KIF26B: variants seen among roughly 807,000 people sequenced by gnomAD.
KIF26B encodes the protein kinesin family member 26B.
Under a neutral mutation model 151.2 loss-of-function variants are expected in KIF26B, and 63 were observed. That is an observed-to-expected ratio of 0.42 (90% CI 0.34 to 0.51). The LOEUF (loss-of-function observed/expected upper bound fraction) is 0.51, where lower values mean the gene tolerates loss of function less well. KIF26B is among the 20% of genes least tolerant of loss of function. The probability of loss-of-function intolerance (pLI) is 0.07; values close to 1 mark genes in which losing one functional copy is unlikely to be tolerated. For synonymous variants in KIF26B, 1,357 were observed against 1,262.1 expected (o/e 1.08, Z -1.59); for missense variants, 2,813 against 2,913.6 (o/e 0.97, Z 0.79).
chr1:245,252,833 G>A (rs1000974036), intron 2 of KIF26B, among the ~76,000 whole-genome samples: 4 of 152,012 alleles, frequency 2.6e-5, no homozygotes, highest in Non-Finnish European at 5.9e-5. Context: ...GTAAGGGACT[G>A]CTTCTATCAC....
At chr1:245,321,421 G>C (rs1335490082) in intron 2 of KIF26B, among the ~76,000 whole-genome samples, 1 of 152,138 alleles carries the variant, frequency 6.6e-6, no homozygotes, top group Non-Finnish European at 1.5e-5. Context: ...CTTGCTATTG[G>C]TTAGAATGTG....
rs143841979 is a variant in KIF26B, at chr1:245,678,679, T to A, written c.2259-5554T>A. 4.0e-5 allele frequency among the ~76,000 whole-genome samples: 6 copies of A among 151,868 alleles called. No homozygotes were observed. The South Asian group carries it at 1.0e-3, about 26-fold the overall frequency. On this transcript the variant is annotated intron_variant, in intron 10 of 14. Transcript: ENST00000407071. ...GAGATTGAGACCATCGTGGCCAACA[T>A]GGTGAAATCCCGTCTCTACTAAAAA...
chr1:245,638,015 A>G (rs2043853123), intron 9 of KIF26B, among the ~76,000 whole-genome samples: 1 of 151,924 alleles, frequency 6.6e-6, no homozygotes, highest in East Asian at 1.9e-4. Context: ...GAATTTTAAG[A>G]TTTCTTTTTT....
chr1:245,709,365 T>G lies in KIF26B; in HGVS notation c.*6759T>G, dbSNP rs2147977820. ...GTGGCATATGAGGTGTAAAATGTTG[T>G]CAAAAAAGAATCTGGTGTTTAAAAA... On this transcript the variant is annotated 3_prime_UTR_variant, in exon 15 of 15. Transcript: ENST00000407071. The G allele has an allele frequency of 6.6e-6, 1 of 152,288 alleles. No individual in the cohort carries two copies. The highest frequency in any genetic ancestry group is 2.1e-4 in the South Asian group (1 of 4,818). 9.4% of individuals were successfully genotyped at this position (152,288 alleles called of 1,614,324 possible).
At chr1:245,433,903 C>A (rs1486731586) in intron 4 of KIF26B, among the ~76,000 whole-genome samples, 1 of 151,936 alleles carries the variant, frequency 6.6e-6, no homozygotes, top group Non-Finnish European at 1.5e-5. Context: ...AAGAAAGGGC[C>A]TTGGCAGTGA....
chr1:245,643,276 T>C (rs1449061470), intron 9 of KIF26B, among the ~76,000 whole-genome samples: 2 of 152,204 alleles, frequency 1.3e-5, no homozygotes, highest in Admixed American at 1.3e-4. Context: ...TCCCATCTGA[T>C]CTTTGTTCTC....
In KIF26B at chr1:245,698,815, C is replaced by T. The variant is rs1012610032; in HGVS notation, c.6028-72C>T. 3 of 1,523,632 alleles carry T rather than the reference C, an allele frequency of 2.0e-6. No homozygotes were observed. Among genetic ancestry groups the T allele is most frequent in the East Asian group, 2.3e-5 (1 of 43,982 alleles). The allele number at this position is 1,523,632 out of a possible 1,614,324, so 94.4% of individuals were successfully genotyped here. A position where few individuals can be genotyped will look rare whatever the true frequency, so the allele number is the denominator to read the frequency against. On this transcript the variant is annotated intron_variant, in intron 13 of 14. Transcript: ENST00000407071. The surrounding 1 kb of genome is among the most constrained non-coding windows in gnomAD (Gnocchi z 4.0). ...CCCAGCCTGTTTTCCATCAACGATA[C>T]TCACAGGTGCTCCTGTGGTGTGGGC... is the stretch of plus-strand genomic sequence containing the variant.
At chr1:245,679,991 C>T (rs1402793235) in intron 10 of KIF26B, among the ~76,000 whole-genome samples, 1 of 152,136 alleles carries the variant, frequency 6.6e-6, no homozygotes, top group Admixed American at 6.5e-5. Flanking sequence ...TCCCGCCTGG[C>T]TCTGGGGAGG....
chr1:245,261,114 C>G (rs112725104), intron 2 of KIF26B, among the ~76,000 whole-genome samples: 3 of 149,356 alleles, frequency 2.0e-5, no homozygotes, highest in Non-Finnish European at 4.5e-5. Context: ...TTCCTTCCTC[C>G]GTTCCTTCCT....
At chr1:245,366,542 G>GA (rs11362225) in intron 2 of KIF26B, among the ~76,000 whole-genome samples, 11,753 of 143,200 alleles carry the variant, frequency 0.082, 1,193 homozygotes, top group East Asian at 0.3. Context: ...AAAAAAAAAA[G>GA]AAAAAAAAAA....
At chr1:245,518,363 C>T (rs189623509) in intron 4 of KIF26B, among the ~76,000 whole-genome samples, 1 of 152,292 alleles carries the variant, frequency 6.6e-6, no homozygotes, top group African/African-American at 2.4e-5. Flanking sequence ...GTTACTGAGT[C>T]AACCTACGCT....
chr1:245,537,050 G>A (rs185959415), intron 4 of KIF26B, among the ~76,000 whole-genome samples: 1 of 152,336 alleles, frequency 6.6e-6, no homozygotes, highest in South Asian at 2.1e-4. Context: ...ATCAGTGTCA[G>A]GTTGTAAGAA....
At position 245,512,784 on chromosome 1, in the gene KIF26B, G is replaced by T. The variant is rs1184499777; in HGVS notation, c.1167-27983G>T. Among the ~76,000 whole-genome samples, 1 of 152,146 alleles carries T rather than the reference G, an allele frequency of 6.6e-6. No individual in the cohort carries two copies. Among genetic ancestry groups the T allele is most frequent in the East Asian group, 1.9e-4 (1 of 5,196 alleles). On this transcript the variant is annotated intron_variant, in intron 4 of 14. Transcript: ENST00000407071. The surrounding 1 kb of genome is among the most constrained non-coding windows in gnomAD (Gnocchi z 4.3). ...AAAGCTTTCGATCTTGTGCCGTTTT[G>T]TTTTGGTTTCTTGTTTATGTGGACT...
intron 2 of KIF26B, among the ~76,000 whole-genome samples, chr1:245,315,763 G>A (rs1256598027): frequency 1.3e-5 from 2 of 151,578 alleles, no homozygotes; most frequent in Non-Finnish European, 2.9e-5. Context: ...GGTGGTGCAC[G>A]TCGTGGTCCC....
Position 245,156,300 on chromosome 1 carries a change from C to A in KIF26B, c.82C>A (p.Pro28Thr), listed in dbSNP as rs371147522. Reference protein sequence around the residue: ...KKYGVNEVCSPTKPAAPFSPE... With the variant: ...KKYGVNEVCSTTKPAAPFSPE... ...CCCGCAGGTGAATGAAGTCTGCTCGCCCACCAAGCCCGCAGCGCCCTTCTC... is the reference window on the plus strand; with the variant it reads ...CCCGCAGGTGAATGAAGTCTGCTCGACCACCAAGCCCGCAGCGCCCTTCTC... Residue 28 changes from proline to threonine, a missense_variant, in exon 2 of 15, where the codon CCC becomes ACC. Physicochemically the swap from Pro to Thr is conservative, Grantham distance 38 (BLOSUM62 -1). Coordinates refer to ENST00000407071, the MANE Select transcript of KIF26B (RefSeq NM_018012.4). 1 of 1,547,338 alleles carries A rather than the reference C, an allele frequency of 6.5e-7. No individual in the cohort carries two copies. Among genetic ancestry groups the A allele is most frequent in the Non-Finnish European group, 8.7e-7 (1 of 1,146,040 alleles).
In KIF26B at chr1:245,172,965, C is replaced by T. The variant is rs374173200; in HGVS notation, c.465+16282C>T. 2.6e-4 allele frequency among the ~76,000 whole-genome samples: 40 copies of T among 152,256 alleles called. 1 individual carries two copies. In the South Asian group the frequency reaches 8.3e-3, roughly 32 times the overall value. Reference sequence around the variant, plus strand: ...AGTACGATAGCCATGTTCATAGCAGCCTTATTCACAATAGCTAAAATGTAG... The same window carrying T: ...AGTACGATAGCCATGTTCATAGCAGTCTTATTCACAATAGCTAAAATGTAG... On this transcript the variant is annotated intron_variant, in intron 2 of 14. Transcript: ENST00000407071.
chr1:245,314,170 G>C (rs568974282), intron 2 of KIF26B, among the ~76,000 whole-genome samples: 6 of 152,270 alleles, frequency 3.9e-5, no homozygotes, highest in African/African-American at 1.4e-4. Context: ...TATTCAGGCG[G>C]GGGGCGGTGA....
chr1:245,630,524 T>G (rs549253713), intron 9 of KIF26B, among the ~76,000 whole-genome samples: 122 of 151,230 alleles, frequency 8.1e-4, no homozygotes, highest in Non-Finnish European at 1.2e-4. Flanking sequence ...TAAGCGGGAG[T>G]TGAACAATGA....
chr1:245,661,339 C>T lies in KIF26B; in HGVS notation c.2258+15059C>T, dbSNP rs574171123. ...GTTATTTAGAAATGTATTTACTAAT[C>T]GCCACAGTTACTTGGAATTTGTTCC... On this transcript the variant is annotated intron_variant, in intron 10 of 14. Transcript: ENST00000407071. Among the ~76,000 whole-genome samples, 11 of 85,572 alleles carry T rather than the reference C, an allele frequency of 1.3e-4. No individual in the cohort carries two copies. The South Asian group carries it at 3.8e-3, about 30-fold the overall frequency. 56.1% of individuals were successfully genotyped at this position (85,572 alleles called of 152,430 possible). A position where few individuals can be genotyped will look rare whatever the true frequency, so the allele number is the denominator to read the frequency against.
Sources: allele counts gnomAD v4.1 joint callset (sites outside exome capture counted in the v4.1 genomes callset), GRCh38; gene constraint gnomAD v4.1.1; non-coding constraint Gnocchi (gnomAD v3.1); transcripts MANE v1.5; gene names NCBI Gene and HGNC (gene_info 2026-07-23, HGNC 2026-07-21).